The following HS3ST2 variants were observed in gnomAD, a reference collection of about 807,000 sequenced individuals.
HS3ST2 encodes heparan sulfate-glucosamine 3-sulfotransferase 2.
HS3ST2 carries 17 observed loss-of-function variants against 26.3 expected under a neutral mutation model. The observed-to-expected ratio is 0.65, with a 90% CI of 0.44 to 0.97. The LOEUF (loss-of-function observed/expected upper bound fraction) is 0.97. HS3ST2 is among the 50% of genes least tolerant of loss of function. The pLI, the probability that HS3ST2 is intolerant of heterozygous loss-of-function variation, is 0.00. For missense variants in HS3ST2, 402 were observed against 501.2 expected (o/e 0.80, Z 1.89); for synonymous variants, 237 against 219.2 (o/e 1.08, Z -0.72).
chr16:22,820,839 C>T (rs184977789), intron 1 of HS3ST2, among the ~76,000 whole-genome samples: 10 of 152,344 alleles, frequency 6.6e-5, no homozygotes, highest in Admixed American at 2.6e-4. Context: ...TGGATGTTAA[C>T]GTGTGAAAAT....
In HS3ST2 at chr16:22,815,049, C is replaced by T. The variant is rs1900842579; in HGVS notation, c.439C>T (p.Pro147Ser). The change falls in exon 1 of 2, where the codon CCC (proline) becomes TCC (serine). Residue 147 changes from proline to serine, a missense_variant. This residue lies in a region of HS3ST2 where 237 missense variants were observed against 346.6 expected (regional missense o/e 0.68). Coordinates refer to ENST00000261374, the MANE Select transcript of HS3ST2 (RefSeq NM_006043.2). Reference protein sequence around the residue: ...HPDVRALGTEPHFFDRNYGRG... With the variant: ...HPDVRALGTESHFFDRNYGRG... The stretch of plus-strand genomic sequence containing the variant: ...GGACGTGCGGGCCTTGGGCACGGAA[C>T]CCCACTTCTTTGACAGGAACTACGG... The T allele has an allele frequency of 1.2e-6, 2 of 1,612,960 alleles. No individual in the cohort carries two copies. The highest frequency in any genetic ancestry group is 3.3e-5 in the Admixed American group (2 of 60,010).
At chr16:22,856,587 C>T (rs1901598596) in intron 1 of HS3ST2, among the ~76,000 whole-genome samples, 1 of 152,184 alleles carries the variant, frequency 6.6e-6, no homozygotes, top group South Asian at 2.1e-4. Context: ...CCCAACTCTC[C>T]CCTCCTTTAT....
chr16:22,895,070 C>CTTTTTTTTTTTTTTTTTTT (rs55861016), intron 1 of HS3ST2, among the ~76,000 whole-genome samples: 1 of 134,720 alleles, frequency 7.4e-6, no homozygotes. Context: ...TTCTTTCTTT[C>CTTTTTTTTTTTTTTTTTTT]TTTTTTTTTT....
chr16:22,915,509 C>A lies in HS3ST2; in HGVS notation c.1051C>A (p.Pro351Thr). Residue 351 changes from proline to threonine, a missense_variant, in exon 2 of 2, where the codon CCG becomes ACG. Pro to Thr is a conservative substitution (Grantham distance 38, BLOSUM62 -1). This residue lies in a region of HS3ST2 where 237 missense variants were observed against 346.6 expected (regional missense o/e 0.68). Coordinates refer to ENST00000261374, the MANE Select transcript of HS3ST2 (RefSeq NM_006043.2). Reference sequence around the variant, plus strand: ...AGACCAGCTCCGAGAATTTTATAGACCGTATAATATCAAATTTTATGAAAC... The same window carrying A: ...AGACCAGCTCCGAGAATTTTATAGAACGTATAATATCAAATTTTATGAAAC... ...VIDQLREFYR[P>T]YNIKFYETVG... 1 of 1,613,908 alleles carries A rather than the reference C, an allele frequency of 6.2e-7. No individual in the cohort carries two copies. The highest frequency in any genetic ancestry group is 2.2e-5 in the East Asian group (1 of 44,876).
intron 1 of HS3ST2, among the ~76,000 whole-genome samples, chr16:22,900,615 T>G (rs1220232190): frequency 2.0e-5 from 3 of 150,388 alleles, no homozygotes; most frequent in Middle Eastern, 3.4e-3. Context: ...ACATGAGAAG[T>G]GGTAAGTTGA....
At chr16:22,816,786 C>T (rs778111526) in intron 1 of HS3ST2, among the ~76,000 whole-genome samples, 1 of 152,224 alleles carries the variant, frequency 6.6e-6, no homozygotes, top group Non-Finnish European at 1.5e-5. Context: ...TGACCACATT[C>T]GAATGCAGGC....
At chr16:22,850,709 C>G (rs1325062568) in intron 1 of HS3ST2, among the ~76,000 whole-genome samples, 2 of 152,162 alleles carry the variant, frequency 1.3e-5, no homozygotes, top group Non-Finnish European at 2.9e-5. Context: ...ATCCCTTGAA[C>G]CCGGGAGGCG....
At chr16:22,887,257 G>A (rs932944268) in intron 1 of HS3ST2, among the ~76,000 whole-genome samples, 1 of 152,172 alleles carries the variant, frequency 6.6e-6, no homozygotes, top group African/African-American at 2.4e-5. Flanking sequence ...TCATTTGTTT[G>A]GGTGGCTTAT....
chr16:22,846,937 G>A (rs2141184240), intron 1 of HS3ST2, among the ~76,000 whole-genome samples: 1 of 152,320 alleles, frequency 6.6e-6, no homozygotes, highest in South Asian at 2.1e-4. Context: ...ACAGTGCTGA[G>A]AATCAGTAAA....
At chr16:22,856,017 AT>A (rs1901588702) in intron 1 of HS3ST2, among the ~76,000 whole-genome samples, 1 of 152,194 alleles carries the variant, frequency 6.6e-6, no homozygotes, top group African/African-American at 2.4e-5. Context: ...CTAAAAAGAA[AT>A]GTTGGGGTAT....
intron 1 of HS3ST2, among the ~76,000 whole-genome samples, chr16:22,847,802 GAGA>G (rs1901460045): frequency 1.3e-5 from 2 of 149,814 alleles, no homozygotes; most frequent in South Asian, 2.1e-4. Context: ...TAAGAAAGAG[GAGA>G]AGGAGGAGGA....
intron 1 of HS3ST2, among the ~76,000 whole-genome samples, chr16:22,885,177 TC>T (rs1902044176): frequency 6.6e-6 from 1 of 151,858 alleles, no homozygotes; most frequent in Non-Finnish European, 1.5e-5. Flanking sequence ...TTGCCACCCC[TC>T]CCCCATCCCC....
intron 1 of HS3ST2, among the ~76,000 whole-genome samples, chr16:22,913,115 G>GAAGA (rs1486063648): frequency 3.0e-5 from 3 of 100,480 alleles, no homozygotes. Context: ...GAAAGAAAGA[G>GAAGA]AAGAAAGAAA....
chr16:22,822,362 C>G (rs1901006434), intron 1 of HS3ST2, among the ~76,000 whole-genome samples: 1 of 152,080 alleles, frequency 6.6e-6, no homozygotes, highest in Admixed American at 6.6e-5. Context: ...GAGCCAGGGT[C>G]TTGTTTTGTT....
chr16:22,895,210 C>T (rs1902193329), intron 1 of HS3ST2, among the ~76,000 whole-genome samples: 1 of 151,998 alleles, frequency 6.6e-6, no homozygotes, highest in Non-Finnish European at 1.5e-5. Flanking sequence ...CTGCCTCAGC[C>T]TCCCGAGTAG....
chr16:22,819,102 C>T (rs866887828), intron 1 of HS3ST2, among the ~76,000 whole-genome samples: 2 of 12,154 alleles, frequency 1.6e-4, no homozygotes, highest in African/African-American at 9.6e-4. Context: ...CTCCCTCCCT[C>T]CCTTCCTTCC....
At chr16:22,843,789 G>T (rs1228299334) in intron 1 of HS3ST2, among the ~76,000 whole-genome samples, 1 of 152,148 alleles carries the variant, frequency 6.6e-6, no homozygotes, top group African/African-American at 2.4e-5. Flanking sequence ...CAAGATGTCA[G>T]CATTCCTTTC....
intron 1 of HS3ST2, among the ~76,000 whole-genome samples, chr16:22,900,050 T>C (rs554508897): frequency 3.9e-4 from 60 of 152,310 alleles, no homozygotes; most frequent in Admixed American, 2.0e-3. Context: ...TGGCACCCAG[T>C]GTTGCCTCAG....
chr16:22,882,580 A>G (rs1188768306), intron 1 of HS3ST2, among the ~76,000 whole-genome samples: 1 of 152,112 alleles, frequency 6.6e-6, no homozygotes. Context: ...CTAAAAATAA[A>G]AAAATTAGCC....
Sources: gnomAD v4.1 joint callset for allele counts (sites outside exome capture counted in the v4.1 genomes callset) on GRCh38, gnomAD v4.1.1 for gene constraint, gnomAD v4.1.1 regional missense constraint, MANE v1.5 for transcripts, NCBI Gene and HGNC (gene_info 2026-07-23, HGNC 2026-07-21) for gene names.